TMCO4: variants seen among roughly 807,000 people sequenced by gnomAD.
TMCO4 encodes the protein transmembrane and coiled-coil domains 4, also known as transmembrane and coiled-coil domain-containing protein 4.
A neutral mutation model predicts 64.7 loss-of-function variants in TMCO4; 58 were observed. That is an observed-to-expected ratio of 0.90 (90% confidence interval 0.73 to 1.12). TMCO4 has a LOEUF of 1.12. Among genes scored for constraint, TMCO4 ranks in the 50% most tolerant of loss-of-function variants. The pLI is 0.00. For missense variants in TMCO4, 780 were observed against 825.9 expected (o/e 0.94, Z 0.68); for synonymous variants, 325 against 346.1 (o/e 0.94, Z 0.68).
intron 13 of TMCO4, among the ~76,000 whole-genome samples, chr1:19,715,926 C>T (rs2095353635): frequency 6.6e-6 from 1 of 152,168 alleles, no homozygotes; most frequent in Admixed American, 6.5e-5. Flanking sequence ...AAAGCCTGCC[C>T]CTCCCTGGAG....
intron 4 of TMCO4, among the ~76,000 whole-genome samples, chr1:19,778,669 G>A (rs367734022): frequency 3.3e-5 from 5 of 152,170 alleles, no homozygotes; most frequent in African/African-American, 4.8e-5. Context: ...TAAACTGCTC[G>A]AGGTCACATG....
At chr1:19,791,878 C>T (rs1406436172) in intron 2 of TMCO4, among the ~76,000 whole-genome samples, 1 of 152,158 alleles carries the variant, frequency 6.6e-6, no homozygotes, top group African/African-American at 2.4e-5. Context: ...CCAAATCTCA[C>T]CTTGAATTAT....
chr1:19,684,690 A>G (rs2095132863), intron 15 of TMCO4, among the ~76,000 whole-genome samples: 1 of 152,158 alleles, frequency 6.6e-6, no homozygotes. Context: ...AAGGACTCAC[A>G]TTTATAGCTG....
intron 11 of TMCO4, among the ~76,000 whole-genome samples, chr1:19,740,476 G>C (rs1012738592): frequency 6.6e-6 from 1 of 152,174 alleles, no homozygotes; most frequent in African/African-American, 2.4e-5. Context: ...CACAGGCCTA[G>C]CTAAGATCCA....
In TMCO4 at chr1:19,732,030, A is replaced by G. The variant is rs6696124; in HGVS notation, c.1264+5342T>C. 0.53 allele frequency among the ~76,000 whole-genome samples: 81,072 copies of G among 152,090 alleles called. 21,753 individuals carry two copies. The highest frequency in any genetic ancestry group is 0.66 in the East Asian group (3,421 of 5,182). On this transcript the variant is annotated intron_variant, in intron 13 of 15. Transcript: ENST00000294543. The surrounding 1 kb of genome is among the most constrained non-coding windows in gnomAD (Gnocchi z 4.8). Reference sequence around the variant, plus strand: ...GGAGCTGCTGTGAAGGCCGGCATGGACAGCGGGGGTTTTAAACTGAGCGGG... The same window carrying G: ...GGAGCTGCTGTGAAGGCCGGCATGGGCAGCGGGGGTTTTAAACTGAGCGGG...
At chr1:19,784,359 C>A (rs374284280) in intron 3 of TMCO4, among the ~76,000 whole-genome samples, 8 of 152,066 alleles carry the variant, frequency 5.3e-5, no homozygotes, top group Admixed American at 1.3e-4. Flanking sequence ...CATAGTGAAA[C>A]CCCGTCTCTA....
At chr1:19,703,348 C>T (rs1266195185) in intron 13 of TMCO4, among the ~76,000 whole-genome samples, 3 of 152,062 alleles carry the variant, frequency 2.0e-5, no homozygotes, top group Admixed American at 6.5e-5. Context: ...ATAGTGAATG[C>T]ACAGTGGGAG....
chr1:19,710,101 A>G (rs1424743376), intron 13 of TMCO4, among the ~76,000 whole-genome samples: 9 of 150,690 alleles, frequency 6.0e-5, no homozygotes, highest in Non-Finnish European at 1.0e-4. Context: ...TTTTTTAAAA[A>G]TTTATTTTAT....
chr1:19,792,370 A>G (rs1035746534), intron 2 of TMCO4, among the ~76,000 whole-genome samples: 6 of 152,234 alleles, frequency 3.9e-5, no homozygotes, highest in African/African-American at 1.4e-4. Context: ...TGCTATGATT[A>G]TGACTTTTGT....
intron 10 of TMCO4, among the ~76,000 whole-genome samples, chr1:19,745,257 T>A (rs1332291342): frequency 2.9e-5 from 3 of 101,802 alleles, no homozygotes; most frequent in Non-Finnish European, 5.5e-5. Flanking sequence ...GATGAACAGG[T>A]GGGTGGATGG....
At chr1:19,796,166 GT>G (rs1355909352) in intron 2 of TMCO4, among the ~76,000 whole-genome samples, 1 of 152,220 alleles carries the variant, frequency 6.6e-6, no homozygotes, top group East Asian at 1.9e-4. Context: ...GACAATCGCT[GT>G]CCCCACTTTA....
intron 13 of TMCO4, among the ~76,000 whole-genome samples, chr1:19,719,116 G>A (rs2095370217): frequency 6.6e-6 from 1 of 152,142 alleles, no homozygotes; most frequent in Non-Finnish European, 1.5e-5. Flanking sequence ...GTTCAATCAG[G>A]CAGGCACCTT....
chr1:19,731,317 A>G (rs1355193202), intron 13 of TMCO4, among the ~76,000 whole-genome samples: 1 of 152,196 alleles, frequency 6.6e-6, no homozygotes, highest in East Asian at 1.9e-4. Flanking sequence ...CCATTTATTA[A>G]CAGTTTCTAG....
chr1:19,693,874 G>A (rs1250903061), intron 15 of TMCO4, among the ~76,000 whole-genome samples: 1 of 152,218 alleles, frequency 6.6e-6, no homozygotes, highest in Non-Finnish European at 1.5e-5. Flanking sequence ...AGCTGAGATG[G>A]GGCTGTTGGG....
chr1:19,739,075 C>T (rs1397297789), intron 12 of TMCO4, among the ~76,000 whole-genome samples: 1 of 152,204 alleles, frequency 6.6e-6, no homozygotes, highest in Non-Finnish European at 1.5e-5. Context: ...TAGGCTTCTC[C>T]AGGAAAATAA....
At chr1:19,757,481 G>A (rs2042318556) in intron 6 of TMCO4, among the ~76,000 whole-genome samples, 1 of 152,090 alleles carries the variant, frequency 6.6e-6, no homozygotes, top group Non-Finnish European at 1.5e-5. Flanking sequence ...CCCATCCCAA[G>A]ATTCTTAATG....
rs763769132 is a variant in TMCO4, at chr1:19,745,647, G to A, written c.762C>T (p.Tyr254=). 3 of 1,609,310 alleles carry A rather than the reference G, an allele frequency of 1.9e-6. No individual in the cohort carries two copies. The highest frequency in any genetic ancestry group is 1.1e-5 in the South Asian group (1 of 90,396). Residue 254 remains tyrosine (Y), a synonymous_variant, in exon 10 of 16, where the codon TAC becomes TAT. Transcript: ENST00000294543. ...TGGCTCCCACTCGCTTCTTCATCTT[G>A]TATCCTAAAGACCCAGATCCGAGAA... is the stretch of plus-strand genomic sequence containing the variant. ...FGAAGAGLTG[Y]KMKKRVGAIE... is the part of the protein sequence containing the mutation.
At chr1:19,724,148 A>T (rs867894597) in intron 13 of TMCO4, among the ~76,000 whole-genome samples, 6 of 152,216 alleles carry the variant, frequency 3.9e-5, no homozygotes, top group African/African-American at 1.4e-4. Context: ...CACTCCCCTG[A>T]GAGCTGCCAG....
chr1:19,702,285 CAAAAAAA>C (rs71010505), intron 13 of TMCO4, among the ~76,000 whole-genome samples: 6 of 102,934 alleles, frequency 5.8e-5, no homozygotes, highest in Non-Finnish European at 1.0e-4. Flanking sequence ...CTTGTCTTTA[CAAAAAAA>C]AAAAAAAAAA....
Sources: allele counts gnomAD v4.1 joint callset (sites outside exome capture counted in the v4.1 genomes callset), GRCh38; gene constraint gnomAD v4.1.1; non-coding constraint Gnocchi (gnomAD v3.1); transcripts MANE v1.5; gene names NCBI Gene and HGNC (gene_info 2026-07-23, HGNC 2026-07-21).